TSPEAR: variants seen among roughly 807,000 people sequenced by gnomAD.
TSPEAR encodes the protein thrombospondin type laminin G domain and EAR repeats.
Under a neutral mutation model 71.6 loss-of-function variants are expected in TSPEAR, and 69 were observed. That is an observed-to-expected ratio of 0.96 (90% CI 0.79 to 1.18). TSPEAR has a LOEUF of 1.18. TSPEAR is among the 50% of genes most tolerant of loss of function. TSPEAR has a pLI of 0.00. For missense variants in TSPEAR, 971 were observed against 894.9 expected, an observed-to-expected ratio of 1.09 and a Z score of -1.09; for synonymous variants, 402 against 387.2, an observed-to-expected ratio of 1.04 and a Z score of -0.45.
At chr21:44,635,884 A>G (rs148796192) in intron 1 of TSPEAR, among the ~76,000 whole-genome samples, 196 of 152,328 alleles carry the variant, frequency 1.3e-3, no homozygotes, top group African/African-American at 4.6e-3. Context: ...AATGCTGGAT[A>G]TTATCAGCAT....
chr21:44,588,422 C>T (rs1257378345), intron 1 of TSPEAR, among the ~76,000 whole-genome samples: 1 of 152,060 alleles, frequency 6.6e-6, no homozygotes, highest in South Asian at 2.1e-4. Context: ...TTCTACACTC[C>T]TGGTGGGAAT....
chr21:44,697,222 C>T (rs1555950714), intron 1 of TSPEAR: 1 of 1,613,934 alleles, frequency 6.2e-7, no homozygotes, highest in African/African-American at 1.3e-5. Context: ...GCTCCAGCGA[C>T]CTGAGCTATG....
chr21:44,527,079 G>A (rs587701845), intron 7 of TSPEAR, among the ~76,000 whole-genome samples: 7 of 152,302 alleles, frequency 4.6e-5, no homozygotes, highest in African/African-American at 7.2e-5. Context: ...CTGGTCGTCC[G>A]TTTTGCGGGA....
intron 10 of TSPEAR, among the ~76,000 whole-genome samples, chr21:44,507,480 T>G (rs1364278256): frequency 1.3e-5 from 2 of 152,122 alleles, no homozygotes; most frequent in African/African-American, 4.8e-5. Flanking sequence ...GGAGTTTGAC[T>G]TGTGTGTGCT....
chr21:44,551,198 C>A (rs782564487), intron 2 of TSPEAR: 1 of 1,572,918 alleles, frequency 6.4e-7, no homozygotes, highest in Non-Finnish European at 8.7e-7. Context: ...TGCAGCAAGC[C>A]GGCTGGCAGC....
chr21:44,637,985 G>A lies in TSPEAR; in HGVS notation c.83-69980C>T, dbSNP rs372682497. 32 of 1,613,598 alleles carry A rather than the reference G, an allele frequency of 2.0e-5. No homozygotes were observed. Among genetic ancestry groups the A allele is most frequent in the South Asian group, 3.3e-5 (3 of 90,990 alleles). On this transcript the variant is annotated intron_variant, in intron 1 of 11. Transcript: ENST00000323084. ...CTCCTGCTGCAGACCCTCCTCCTCC[G>A]TGTCCCTCCTCTGCCACCCTGTGTG... is the stretch of plus-strand genomic sequence containing the variant.
intron 9 of TSPEAR, chr21:44,519,459 G>A (rs1434699740): frequency 2.0e-5 from 3 of 152,308 alleles, no homozygotes; most frequent in Non-Finnish European, 2.9e-5. Context: ...CCAGCCTCAA[G>A]TCCAACTCCA....
Position 44,531,155 on chromosome 21 carries a change from G to T in TSPEAR, c.543-22C>A, listed in dbSNP as rs1555915733. 4 of 1,602,554 alleles carry T rather than the reference G, an allele frequency of 2.5e-6. No homozygotes were observed. The South Asian group carries it at 4.4e-5, about 18-fold the overall frequency. ...CATTCTGAAAATATCAAAGGACTGT[G>T]TTAGGGCCATAGGAGAGTGGTCACC... On this transcript the variant is annotated intron_variant, in intron 3 of 11. Coordinates refer to ENST00000323084, the MANE Select transcript of TSPEAR (RefSeq NM_144991.3).
intron 10 of TSPEAR, among the ~76,000 whole-genome samples, chr21:44,507,795 A>G (rs1315598930): frequency 6.6e-6 from 1 of 152,194 alleles, no homozygotes; most frequent in African/African-American, 2.4e-5. Context: ...TTGACATTGG[A>G]TGGCGTGGAT....
At chr21:44,581,999 T>C (rs1663077267) in intron 1 of TSPEAR, among the ~76,000 whole-genome samples, 1 of 152,246 alleles carries the variant, frequency 6.6e-6, no homozygotes, top group Non-Finnish European at 1.5e-5. Flanking sequence ...TTGATTTTAT[T>C]TTTTATAACT....
At chr21:44,557,451 A>G (rs1235805792) in intron 2 of TSPEAR, among the ~76,000 whole-genome samples, 4 of 152,290 alleles carry the variant, frequency 2.6e-5, no homozygotes, top group African/African-American at 7.2e-5. Flanking sequence ...AATGAGAAAT[A>G]TTTATTTTAT....
chr21:44,575,897 A>G (rs1452556997), intron 1 of TSPEAR, among the ~76,000 whole-genome samples: 1 of 152,184 alleles, frequency 6.6e-6, no homozygotes, highest in East Asian at 1.9e-4. Context: ...AGGTCAGGGA[A>G]GTAGGACTCC....
chr21:44,501,731 C>T lies in TSPEAR; in HGVS notation c.1857-1795G>A, dbSNP rs142001471. 6.3e-3 allele frequency among the ~76,000 whole-genome samples: 960 copies of T among 152,314 alleles called. 12 individuals are homozygous for T. The highest frequency in any genetic ancestry group is 0.018 in the African/African-American group (762 of 41,562). On this transcript the variant is annotated intron_variant, in intron 11 of 11. Coordinates refer to ENST00000323084, the MANE Select transcript of TSPEAR (RefSeq NM_144991.3). Reference sequence around the variant, plus strand: ...AATGAGCTGAGGTTATGCCACTGCACTTCAGCCTGGGCTACAGAGTGAGAC... The same window carrying T: ...AATGAGCTGAGGTTATGCCACTGCATTTCAGCCTGGGCTACAGAGTGAGAC...
chr21:44,587,351 A>G (rs782142062), intron 1 of TSPEAR, among the ~76,000 whole-genome samples: 1 of 152,244 alleles, frequency 6.6e-6, no homozygotes, highest in African/African-American at 2.4e-5. Context: ...AGACCTCTAC[A>G]AGGAAAACTA....
intron 1 of TSPEAR, chr21:44,677,997 G>T (rs1986400497): frequency 9.9e-7 from 1 of 1,011,452 alleles, no homozygotes; most frequent in South Asian, 1.3e-5. Flanking sequence ...AGTATCGGCG[G>T]CATGGTCACA....
chr21:44,643,095 T>A (rs587692444), intron 1 of TSPEAR, among the ~76,000 whole-genome samples: 1 of 152,086 alleles, frequency 6.6e-6, no homozygotes, highest in Non-Finnish European at 1.5e-5. Context: ...AGGAAGGAGA[T>A]CCTGTCATCT....
chr21:44,512,554 G>A (rs1240469299), intron 9 of TSPEAR, among the ~76,000 whole-genome samples: 1 of 152,192 alleles, frequency 6.6e-6, no homozygotes, highest in African/African-American at 2.4e-5. Flanking sequence ...AGGAGCGTAG[G>A]GTGGAGGTGG....
intron 1 of TSPEAR, chr21:44,654,084 C>G (rs1312816154): frequency 3.3e-6 from 2 of 605,114 alleles, no homozygotes; most frequent in Admixed American, 2.9e-5. Flanking sequence ...GGCTGTGAAC[C>G]CAGGAGAAAC....
At chr21:44,502,985 CA>C (rs2052071579) in intron 11 of TSPEAR, among the ~76,000 whole-genome samples, 3 of 61,890 alleles carry the variant, frequency 4.8e-5, no homozygotes, top group African/African-American at 4.6e-5. Context: ...GGTGAGCCCA[CA>C]GTGGGGAAGC....
Sources: gnomAD v4.1 joint callset for allele counts (sites outside exome capture counted in the v4.1 genomes callset) on GRCh38, gnomAD v4.1.1 for gene constraint, MANE v1.5 for transcripts, NCBI Gene and HGNC (gene_info 2026-07-23, HGNC 2026-07-21) for gene names.